The following PCLO variants were observed in gnomAD, a reference collection of about 807,000 sequenced individuals.
PCLO encodes piccolo presynaptic cytomatrix protein.
In PCLO, 82 loss-of-function variants were observed where a neutral mutation model predicts 427.5. The observed-to-expected ratio is 0.19, with a 90% CI of 0.16 to 0.23. The LOEUF (loss-of-function observed/expected upper bound fraction) is 0.23, where lower values mean the gene tolerates loss of function less well. PCLO is among the 10% of genes least tolerant of loss of function. The pLI is 1.00. For missense variants in PCLO, 6,239 were observed against 6,115.9 expected, an observed-to-expected ratio of 1.02 and a Z score of -0.67; for synonymous variants, 2,357 against 2,155.4, an observed-to-expected ratio of 1.09 and a Z score of -2.59.
intron 20 of PCLO, among the ~76,000 whole-genome samples, chr7:82,818,329 G>T (rs776066721): frequency 1.2e-4 from 18 of 152,104 alleles, no homozygotes; most frequent in Non-Finnish European, 2.5e-4. Flanking sequence ...TCTTTGAAAA[G>T]CTCTTTAGGG....
At chr7:83,152,816 ATATAT>A (rs1396564348) in intron 2 of PCLO, among the ~76,000 whole-genome samples, 9 of 152,188 alleles carry the variant, frequency 5.9e-5, no homozygotes, top group Non-Finnish European at 1.2e-4. Context: ...ATCTGGTCAC[ATATAT>A]TATATTTTCT....
intron 3 of PCLO, among the ~76,000 whole-genome samples, chr7:83,014,668 T>G (rs1562919425): frequency 6.6e-6 from 1 of 151,998 alleles, no homozygotes; most frequent in South Asian, 2.1e-4. Context: ...GGGGAGAGTC[T>G]TGGTTCCCAG....
Position 82,949,645 on chromosome 7 carries a change from G to C in PCLO, c.10943C>G (p.Pro3648Arg), listed in dbSNP as rs1413347023. The C allele has an allele frequency of 6.2e-7, 1 of 1,613,832 alleles. No individual in the cohort carries two copies. The highest frequency in any genetic ancestry group is 1.1e-5 in the South Asian group (1 of 91,070). Residue 3648 changes from proline (P) to arginine (R), a missense_variant, in exon 6 of 25, where the codon CCT becomes CGT. Pro to Arg is a moderately radical substitution (Grantham distance 103). Transcript: ENST00000333891. Reference protein sequence around the residue: ...SAFVPYEKPLPDDISPQKVLH... With the variant: ...SAFVPYEKPLRDDISPQKVLH... ...TACTTTCTGTGGACTTATATCATCA[G>C]GGAGGGGTTTTTCATAAGGTACAAA...
chr7:82,947,723 T>A (rs1304583264), intron 6 of PCLO, among the ~76,000 whole-genome samples: 1 of 152,192 alleles, frequency 6.6e-6, no homozygotes, highest in Non-Finnish European at 1.5e-5. Flanking sequence ...GTTTTTCAGA[T>A]TCTGGGTATT....
At chr7:83,096,630 G>T (rs951482866) in intron 3 of PCLO, among the ~76,000 whole-genome samples, 1 of 149,008 alleles carries the variant, frequency 6.7e-6, no homozygotes, top group Admixed American at 6.9e-5. Context: ...AATTCAGCAT[G>T]TCGAATTTTG....
intron 10 of PCLO, among the ~76,000 whole-genome samples, chr7:82,855,180 G>A (rs767919390): frequency 2.1e-4 from 32 of 152,138 alleles, no homozygotes; most frequent in East Asian, 5.8e-4. Flanking sequence ...GGATTTCATC[G>A]TCAAATGTGT....
chr7:83,019,381 A>T (rs781643221), intron 3 of PCLO, among the ~76,000 whole-genome samples: 7 of 151,874 alleles, frequency 4.6e-5, no homozygotes, highest in Non-Finnish European at 7.4e-5. Flanking sequence ...TATATTTAAT[A>T]ATCTAATATA....
rs187798244 is a variant in PCLO, at chr7:82,950,358, G to C, written c.10230C>G (p.Pro3410=). 6.2e-7 allele frequency: 1 copy of C among 1,613,354 alleles called. No homozygotes were observed. The highest frequency in any genetic ancestry group is 8.5e-7 in the Non-Finnish European group (1 of 1,179,808). The part of the protein sequence containing the change: ...TDVVVKEEKQ[P]KKRSSGAKVR... ...CTTTAGCTCCAGAACTTCTCTTTTT[G>C]GGTTGTTTTTCCTCTTTCACAACAA... The change falls in exon 6 of 25, where the codon CCC becomes CCG. Residue 3410 remains proline (P), a synonymous_variant. Transcript: ENST00000333891.
At chr7:83,131,551 G>GTA (rs769436363) in intron 3 of PCLO, among the ~76,000 whole-genome samples, 21 of 152,132 alleles carry the variant, frequency 1.4e-4, no homozygotes, top group South Asian at 6.2e-4. Context: ...ACAGCAACCA[G>GTA]TATAGGAGAA....
chr7:82,832,836 C>T (rs2115723092), intron 16 of PCLO, among the ~76,000 whole-genome samples: 1 of 151,096 alleles, frequency 6.6e-6, no homozygotes, highest in East Asian at 1.9e-4. Flanking sequence ...CACACACACA[C>T]ACACACACGT....
intron 3 of PCLO, among the ~76,000 whole-genome samples, chr7:83,112,788 G>A (rs1398175995): frequency 2.0e-5 from 3 of 152,168 alleles, no homozygotes; most frequent in Admixed American, 6.5e-5. Context: ...ATTAGAAGCA[G>A]TGTTGACATC....
intron 10 of PCLO, among the ~76,000 whole-genome samples, chr7:82,876,452 GTA>G (rs1491387330): frequency 1.6e-5 from 1 of 63,404 alleles, no homozygotes; most frequent in African/African-American, 1.1e-4. Context: ...ACAAAAACAA[GTA>G]TACACACACA....
rs917218824 is a variant in PCLO, at chr7:82,842,651, C to A, written c.14047-1142G>T. On this transcript the variant is annotated intron_variant, in intron 13 of 24. Coordinates refer to ENST00000333891, the MANE Select transcript of PCLO (RefSeq NM_033026.6). ...AGAATGTGAGAAAATATTTGCAAAC[C>A]GTACATCTGACAGGGTGTTAATATC... Among the ~76,000 whole-genome samples the A allele has an allele frequency of 7.9e-5, 12 of 151,890 alleles. 1 individual carries two copies. Among genetic ancestry groups the A allele is most frequent in the Admixed American group, 6.6e-5 (1 of 15,226 alleles).
chr7:83,132,790 T>G (rs578214545), intron 3 of PCLO, among the ~76,000 whole-genome samples: 1 of 152,216 alleles, frequency 6.6e-6, no homozygotes, highest in African/African-American at 2.4e-5. Flanking sequence ...ATAAGGATCC[T>G]CCTTACAAGG....
intron 6 of PCLO, among the ~76,000 whole-genome samples, chr7:82,917,329 A>G (rs2116277597): frequency 6.6e-6 from 1 of 152,184 alleles, no homozygotes; most frequent in South Asian, 2.1e-4. Context: ...TTTCTAAAAA[A>G]GGAATAATCT....
chr7:82,916,702 T>C lies in PCLO; in HGVS notation c.11284A>G (p.Ile3762Val). Residue 3762 changes from isoleucine (I) to valine (V), a missense_variant, in exon 7 of 25, where the codon ATT (isoleucine) becomes GTT (valine). Ile to Val is a conservative substitution (Grantham distance 29, BLOSUM62 3). This residue lies in a region of PCLO where 4,677 missense variants were observed against 4,468.4 expected (regional missense o/e 1.05). Transcript: ENST00000333891. The part of the protein sequence containing the change: ...CRTNTMARAK[I>V]LQDIDRELDL... ...AGCTCTCTGTCTATGTCCTGGAGAATCTTGGCTCGTGCCATTGTGTTGGTT... is the reference window on the plus strand; with the variant it reads ...AGCTCTCTGTCTATGTCCTGGAGAACCTTGGCTCGTGCCATTGTGTTGGTT... 1 of 1,613,664 alleles carries C rather than the reference T, an allele frequency of 6.2e-7. No homozygotes were observed. The highest frequency in any genetic ancestry group is 8.5e-7 in the Non-Finnish European group (1 of 1,179,722).
chr7:83,096,177 G>A (rs1366005040), intron 3 of PCLO, among the ~76,000 whole-genome samples: 1 of 151,948 alleles, frequency 6.6e-6, no homozygotes, highest in Non-Finnish European at 1.5e-5. Context: ...TTTCTAACGT[G>A]TTCTTCACAC....
intron 3 of PCLO, among the ~76,000 whole-genome samples, chr7:83,037,956 C>A (rs1242564864): frequency 9.6e-6 from 1 of 104,416 alleles, no homozygotes; most frequent in African/African-American, 3.5e-5. Context: ...AGTAAGTTTC[C>A]CGTGTTAGTT....
intron 3 of PCLO, among the ~76,000 whole-genome samples, chr7:83,120,200 G>A (rs773665150): frequency 4.0e-5 from 6 of 151,836 alleles, no homozygotes; most frequent in East Asian, 2.0e-4. Context: ...TCAGGAGTTC[G>A]AGACCAGCCT....
Sources: allele counts gnomAD v4.1 joint callset (sites outside exome capture counted in the v4.1 genomes callset), GRCh38; gene constraint gnomAD v4.1.1; regional missense constraint gnomAD v4.1.1; transcripts MANE v1.5; gene names NCBI Gene and HGNC (gene_info 2026-07-23, HGNC 2026-07-21).